Variants in MRPL47 observed in about 807,000 individuals in gnomAD.
MRPL47 encodes mitochondrial ribosomal protein L47.
In MRPL47, 31 loss-of-function variants were observed where a neutral mutation model predicts 34.0. The observed-to-expected ratio is 0.91, with a 90% CI of 0.68 to 1.23. The LOEUF is 1.23. Among genes scored for constraint, MRPL47 ranks in the 50% most tolerant of loss-of-function variants. The pLI, the probability that MRPL47 is intolerant of heterozygous loss-of-function variation, is 0.00. For synonymous variants in MRPL47, 106 were observed against 101.6 expected (o/e 1.04, Z -0.26); for missense variants, 328 against 285.8 (o/e 1.15, Z -1.07).
In MRPL47 at chr3:179,602,673, C is replaced by A; in HGVS notation, c.223G>T (p.Gly75Trp). The change falls in exon 2 of 7, where the codon GGG becomes TGG. Residue 75 changes from glycine to tryptophan, a missense_variant. Gly to Trp is a radical substitution (Grantham distance 184). Coordinates refer to ENST00000476781, the MANE Select transcript of MRPL47 (RefSeq NM_020409.3). ...TCACCAGATTTTACTTTTTCTTGCC[C>A]CCAGTTTTTTGGGTCATCAAAAAAT... The part of the protein sequence containing the change: ...EEFFDDPKNW[G>W]QEKVKSGAAW... 1 of 1,611,480 alleles carries A rather than the reference C, an allele frequency of 6.2e-7. No individual in the cohort carries two copies. Among genetic ancestry groups the A allele is most frequent in the South Asian group, 1.1e-5 (1 of 90,564 alleles).
At chr3:179,597,580 G>A (rs1308984160) in intron 4 of MRPL47, among the ~76,000 whole-genome samples, 5 of 151,936 alleles carry the variant, frequency 3.3e-5, no homozygotes, top group East Asian at 1.9e-4. Flanking sequence ...AGGCTGAGGC[G>A]GGCAGATCAC....
intron 3 of MRPL47, 34 bp from the exon 4 acceptor site, chr3:179,598,805 T>C: frequency 1.4e-6 from 2 of 1,385,054 alleles, no homozygotes; most frequent in Non-Finnish European, 2.1e-6. Flanking sequence ...GTGATGCTAT[T>C]CTGTGGTTAT....
At chr3:179,604,115 T>C (rs1718999520) in intron 1 of MRPL47, among the ~76,000 whole-genome samples, 1 of 152,226 alleles carries the variant, frequency 6.6e-6, no homozygotes, top group African/African-American at 2.4e-5. Flanking sequence ...CCAGTTACTT[T>C]CATTGTAACA....
Position 179,601,779 on chromosome 3 carries a change from T to C in MRPL47, c.256A>G (p.Thr86Ala), listed in dbSNP as rs1335981344. 2 of 1,605,308 alleles carry C rather than the reference T, an allele frequency of 1.2e-6. No individual in the cohort carries two copies. The highest frequency in any genetic ancestry group is 2.2e-5 in the South Asian group (2 of 89,684). The change falls in exon 3 of 7, where the codon ACC (threonine) becomes GCC (alanine). Residue 86 changes from threonine to alanine, a missense_variant. Coordinates refer to ENST00000476781, the MANE Select transcript of MRPL47 (RefSeq NM_020409.3). ...CTTTTGTTCCTTAGTTGCTGACAGG[T>C]CCATGCTGCTCCTATTAAAATAATA... ...QEKVKSGAAWTCQQLRNKSNE... is the reference protein window; with the variant it reads ...QEKVKSGAAWACQQLRNKSNE...
At chr3:179,591,544 T>C (rs1379193473) in intron 6 of MRPL47, among the ~76,000 whole-genome samples, 2 of 152,212 alleles carry the variant, frequency 1.3e-5, no homozygotes, top group Non-Finnish European at 2.9e-5. Flanking sequence ...TTCTCCCTGT[T>C]CAATGATAAA....
At chr3:179,600,460 G>A (rs1248335228) in intron 3 of MRPL47, among the ~76,000 whole-genome samples, 4 of 152,030 alleles carry the variant, frequency 2.6e-5, no homozygotes, top group African/African-American at 9.7e-5. Context: ...GGCCAATGTG[G>A]TGAAACCCCA....
In MRPL47 at chr3:179,588,794, T is replaced by C; in HGVS notation, c.*78A>G. 7.3e-7 allele frequency: 1 copy of C among 1,364,592 alleles called. No homozygotes were observed. Among genetic ancestry groups the C allele is most frequent in the Non-Finnish European group, 9.9e-7 (1 of 1,007,332 alleles). 84.5% of individuals were successfully genotyped at this position (1,364,592 alleles called of 1,614,324 possible). A position where few individuals can be genotyped will look rare whatever the true frequency, so the allele number is the denominator to read the frequency against. ...CTTGACTAAAAACAGAATTTCTTTATAAACCACTTAACATATTTACTCCTG... is the reference window on the plus strand; with the variant it reads ...CTTGACTAAAAACAGAATTTCTTTACAAACCACTTAACATATTTACTCCTG... On this transcript the variant is annotated 3_prime_UTR_variant, in exon 7 of 7. Coordinates refer to ENST00000476781, the MANE Select transcript of MRPL47 (RefSeq NM_020409.3).
chr3:179,590,291 A>G lies in MRPL47; in HGVS notation c.630-1296T>C, dbSNP rs527248174. On this transcript the variant is annotated intron_variant, in intron 6 of 6. Coordinates refer to ENST00000476781, the MANE Select transcript of MRPL47 (RefSeq NM_020409.3). ...GAGGTGGAGGTTGCAGTGAGCCGAG[A>G]TCGCACCACTGCACTCTAGCCTGGC... Among the ~76,000 whole-genome samples, 38 of 152,082 alleles carry G rather than the reference A, an allele frequency of 2.5e-4. No individual in the cohort carries two copies. The South Asian group carries it at 7.7e-3, about 31-fold the overall frequency.
In MRPL47 at chr3:179,601,689, G is replaced by T. The variant is rs776656873; in HGVS notation, c.305+41C>A. 4.1e-6 allele frequency: 5 copies of T among 1,226,082 alleles called. No individual in the cohort carries two copies. In the South Asian group the frequency reaches 5.0e-5, roughly 12 times the overall value. 76.0% of individuals were successfully genotyped at this position (1,226,082 alleles called of 1,614,324 possible). ...TTTCACCTCATTGTTACACTATAAC[G>T]GCTTCAAACGTCTAGATGTTAATGT... On this transcript the variant is annotated intron_variant, in intron 3 of 6. Transcript: ENST00000476781.
intron 4 of MRPL47, among the ~76,000 whole-genome samples, chr3:179,598,432 A>C (rs1350741946): frequency 2.2e-4 from 33 of 151,680 alleles, no homozygotes; most frequent in East Asian, 1.9e-4. Context: ...ACACAAACAA[A>C]AAAAAAAAAA....
chr3:179,602,521 C>A, intron 2 of MRPL47, 131 bp downstream of exon 2: 1 of 571,434 alleles, frequency 1.7e-6, no homozygotes, highest in Non-Finnish European at 3.0e-6. Context: ...TAGACAGTCT[C>A]AAAGAAAACT....
In MRPL47 at chr3:179,604,601, A is replaced by C. The variant is rs192062700; in HGVS notation, c.24T>G (p.Leu8=). MAAAGLA[L]LCRRVSSALK... is the part of the protein sequence containing the mutation. ...GGGCGGATGAAACTCTCCTACAAAG[A>C]AGGGCCAAACCGGCCGCAGCCATGT... The change falls in exon 1 of 7, where the codon CTT becomes CTG. Residue 8 remains leucine, a synonymous_variant. Coordinates refer to ENST00000476781, the MANE Select transcript of MRPL47 (RefSeq NM_020409.3). The C allele has an allele frequency of 1.2e-6, 2 of 1,614,254 alleles. No individual in the cohort carries two copies. The highest frequency in any genetic ancestry group is 1.3e-5 in the African/African-American group (1 of 75,068).
At chr3:179,598,180 A>C (rs574639824) in intron 4 of MRPL47, among the ~76,000 whole-genome samples, 1 of 152,236 alleles carries the variant, frequency 6.6e-6, no homozygotes, top group East Asian at 1.9e-4. Context: ...TGAGGTTAAG[A>C]GTTTGAGACC....
intron 4 of MRPL47, 37 bp from the exon 5 acceptor site, chr3:179,593,932 A>G (rs373350319): frequency 9.0e-5 from 143 of 1,583,108 alleles, no homozygotes; most frequent in Admixed American, 3.1e-4. Flanking sequence ...TTCAACAATC[A>G]TCTACTACAA....
chr3:179,592,514 A>C (rs1269636089), intron 6 of MRPL47, 130 bp downstream of exon 6: 2 of 608,898 alleles, frequency 3.3e-6, no homozygotes, highest in African/African-American at 3.7e-5. Context: ...ATTTTTTATA[A>C]TACTTATGTA....
At chr3:179,594,365 A>C (rs965755592) in intron 4 of MRPL47, among the ~76,000 whole-genome samples, 204 of 152,364 alleles carry the variant, frequency 1.3e-3, no homozygotes, top group African/African-American at 4.8e-3. Flanking sequence ...ATAGCAGTCC[A>C]TCCAGATATG....
Position 179,593,857 on chromosome 3 carries a change from C to G in MRPL47, c.441G>C (p.Gln147His), listed in dbSNP as rs1718730272. The change falls in exon 5 of 7, where the codon CAG (glutamine) becomes CAC (histidine). Residue 147 changes from glutamine to histidine, a missense_variant. Physicochemically the swap from Gln to His is conservative, Grantham distance 24 (BLOSUM62 0). Transcript: ENST00000476781. Reference protein sequence around the residue: ...DSMDALDKVVQEREDALRLLQ... With the variant: ...DSMDALDKVVHEREDALRLLQ... ...GAAGCCTTAGGGCATCTTCTCTTTC[C>G]TGGACAACTTTATCTAATGCATCCA... The G allele has an allele frequency of 6.2e-7, 1 of 1,613,578 alleles. No homozygotes were observed. The highest frequency in any genetic ancestry group is 8.5e-7 in the Non-Finnish European group (1 of 1,179,654).
At chr3:179,600,380 C>G (rs1207825806) in intron 3 of MRPL47, among the ~76,000 whole-genome samples, 3 of 152,082 alleles carry the variant, frequency 2.0e-5, no homozygotes, top group African/African-American at 7.2e-5. Flanking sequence ...GTGGCTCATG[C>G]CTATAATCCC....
Position 179,588,953 on chromosome 3 carries a change from T to G in MRPL47, c.672A>C (p.Glu224Asp). 6.2e-7 allele frequency: 1 copy of G among 1,613,770 alleles called. No individual in the cohort carries two copies. The highest frequency in any genetic ancestry group is 8.5e-7 in the Non-Finnish European group (1 of 1,179,820). ...EKRARIKARK[E>D]NLERKKAKIL... ...TTTTTGCTTTCTTTCTCTCTAAATT[T>G]TCCTTCCGTGCTTTGATGCGGGCTC... Residue 224 changes from glutamate to aspartate, a missense_variant, in exon 7 of 7, where the codon GAA becomes GAC. Coordinates refer to ENST00000476781, the MANE Select transcript of MRPL47 (RefSeq NM_020409.3).
Sources: allele counts gnomAD v4.1 joint callset (sites outside exome capture counted in the v4.1 genomes callset), GRCh38; gene constraint gnomAD v4.1.1; transcripts MANE v1.5; gene names NCBI Gene and HGNC (gene_info 2026-07-23, HGNC 2026-07-21).